SIPA1L3: variants seen among roughly 807,000 people sequenced by gnomAD.
The protein encoded by SIPA1L3 is signal induced proliferation associated 1 like 3.
A neutral mutation model predicts 150.1 loss-of-function variants in SIPA1L3; 59 were observed. The observed-to-expected ratio is 0.39, with a 90% CI of 0.32 to 0.49. The LOEUF (loss-of-function observed/expected upper bound fraction) is 0.49, where lower values mean the gene tolerates loss of function less well. Among genes scored for constraint, SIPA1L3 ranks in the 20% least tolerant of loss-of-function variants. The pLI is 0.86. For synonymous variants in SIPA1L3, 1,070 were observed against 1,077.6 expected (o/e 0.99, Z 0.14); for missense variants, 2,211 against 2,489.5 (o/e 0.89, Z 2.38).
At chr19:37,994,716 A>G (rs539281224) in intron 1 of SIPA1L3, among the ~76,000 whole-genome samples, 1 of 152,308 alleles carries the variant, frequency 6.6e-6, no homozygotes, top group African/African-American at 2.4e-5. Context: ...TCTTTAACCA[A>G]TGTGAGTGAG....
intron 2 of SIPA1L3, among the ~76,000 whole-genome samples, chr19:38,034,008 A>G (rs974796187): frequency 6.6e-6 from 1 of 152,150 alleles, no homozygotes; most frequent in African/African-American, 2.4e-5. Context: ...GCACACCTGG[A>G]GGTGCTTGGC....
intron 7 of SIPA1L3, among the ~76,000 whole-genome samples, chr19:38,107,730 A>C (rs1970653780): frequency 6.6e-6 from 1 of 152,206 alleles, no homozygotes; most frequent in Non-Finnish European, 1.5e-5. Context: ...TGATCCCAGC[A>C]CTTTGGGAGG....
intron 1 of SIPA1L3, among the ~76,000 whole-genome samples, chr19:37,984,993 G>A (rs2087295147): frequency 6.6e-6 from 1 of 152,228 alleles, no homozygotes; most frequent in South Asian, 2.1e-4. Flanking sequence ...GACAGACCTA[G>A]TCCTTGCTGT....
At chr19:37,920,114 C>T (rs1373448241) in intron 1 of SIPA1L3, among the ~76,000 whole-genome samples, 1 of 149,058 alleles carries the variant, frequency 6.7e-6, no homozygotes, top group African/African-American at 2.5e-5. Flanking sequence ...GGCTGGAGTA[C>T]AGTGGCATGA....
At chr19:38,001,799 A>C (rs1256485501) in intron 1 of SIPA1L3, among the ~76,000 whole-genome samples, 1 of 152,230 alleles carries the variant, frequency 6.6e-6, no homozygotes, top group Non-Finnish European at 1.5e-5. Flanking sequence ...TTAACCATTT[A>C]AAACTTTTAT....
chr19:38,107,993 CA>C (rs374605991), intron 7 of SIPA1L3, among the ~76,000 whole-genome samples: 83 of 130,384 alleles, frequency 6.4e-4, no homozygotes, highest in African/African-American at 7.1e-4. Flanking sequence ...GAAAAAAAAG[CA>C]AAAAAAAAAA....
rs1273727863 is a variant in SIPA1L3 at position 38,047,405 on chromosome 19, T to C, written c.-311+18249T>C. ...CTCCTGTTTGACCATAGGAATTCTG[T>C]GTCTTGTGCATTGCCATATCCCCAG... On this transcript the variant is annotated intron_variant, in intron 2 of 21. Transcript: ENST00000222345. The surrounding 1 kb of genome is among the most constrained non-coding windows in gnomAD (Gnocchi z 4.7). Among the ~76,000 whole-genome samples the C allele has an allele frequency of 6.6e-6, 1 of 152,200 alleles. No individual in the cohort carries two copies. The highest frequency in any genetic ancestry group is 2.4e-5 in the African/African-American group (1 of 41,438).
chr19:38,128,164 C>G (rs972882219), intron 9 of SIPA1L3, among the ~76,000 whole-genome samples: 4 of 149,244 alleles, frequency 2.7e-5, no homozygotes, highest in African/African-American at 9.9e-5. Context: ...AAGCGATTCT[C>G]CTGTGTCAGC....
At chr19:37,988,297 T>G (rs531735772) in intron 1 of SIPA1L3, among the ~76,000 whole-genome samples, 1 of 152,308 alleles carries the variant, frequency 6.6e-6, no homozygotes, top group Non-Finnish European at 1.5e-5. Context: ...GGTGGGAGGA[T>G]TGCTGGAACC....
At chr19:37,913,309 C>T (rs954550185) in intron 1 of SIPA1L3, among the ~76,000 whole-genome samples, 1 of 152,118 alleles carries the variant, frequency 6.6e-6, no homozygotes, top group African/African-American at 2.4e-5. Context: ...ATCCTAGGCA[C>T]TGAGGATTCA....
intron 8 of SIPA1L3, among the ~76,000 whole-genome samples, chr19:38,114,672 G>A (rs142966495): frequency 1.3e-5 from 2 of 152,314 alleles, no homozygotes; most frequent in East Asian, 1.9e-4. Flanking sequence ...CCATACCTTG[G>A]TAGAAACCTG....
intron 1 of SIPA1L3, among the ~76,000 whole-genome samples, chr19:37,996,651 T>G (rs1967643791): frequency 6.6e-6 from 1 of 152,142 alleles, no homozygotes. Flanking sequence ...TTTGTGTCCT[T>G]TGACCAACAT....
In SIPA1L3 at chr19:38,204,184, A is replaced by G. The variant is rs1973153426; in HGVS notation, c.5178A>G (p.Lys1726=). The change falls in exon 21 of 22, where the codon AAA becomes AAG. Residue 1726 remains lysine (K), a synonymous_variant. Coordinates refer to ENST00000222345, the MANE Select transcript of SIPA1L3 (RefSeq NM_015073.3). Reference sequence around the variant, plus strand: ...TGTACCAGCTGGAGGTGATGCTGAAACAGCTGCACACTGACCTGCAGAAGG... The same window carrying G: ...TGTACCAGCTGGAGGTGATGCTGAAGCAGCTGCACACTGACCTGCAGAAGG... ...GKVYQLEVML[K]QLHTDLQKEK... 6 of 1,557,570 alleles carry G rather than the reference A, an allele frequency of 3.9e-6. No homozygotes were observed. The highest frequency in any genetic ancestry group is 2.7e-5 in the African/African-American group (2 of 73,176).
At chr19:37,922,670 G>A (rs1291605536) in intron 1 of SIPA1L3, among the ~76,000 whole-genome samples, 3 of 151,678 alleles carry the variant, frequency 2.0e-5, no homozygotes, top group Non-Finnish European at 4.4e-5. Context: ...TGGGATTACA[G>A]GCGTGAGCCA....
intron 1 of SIPA1L3, among the ~76,000 whole-genome samples, chr19:37,970,944 C>T (rs933505707): frequency 6.6e-6 from 1 of 152,174 alleles, no homozygotes; most frequent in East Asian, 1.9e-4. Context: ...TTGCTTTCAT[C>T]TGCATGGTCC....
chr19:37,936,305 A>T (rs1199551720), intron 1 of SIPA1L3, among the ~76,000 whole-genome samples: 1 of 152,142 alleles, frequency 6.6e-6, no homozygotes, highest in Non-Finnish European at 1.5e-5. Context: ...TTGGGCATTC[A>T]CCTGCCAGCA....
intron 10 of SIPA1L3, among the ~76,000 whole-genome samples, chr19:38,131,924 G>A (rs1006454838): frequency 5.9e-5 from 9 of 151,750 alleles, no homozygotes; most frequent in African/African-American, 9.7e-5. Context: ...GAGCCACTGC[G>A]TCCAGCCAAC....
At chr19:37,955,683 C>A (rs928400771) in intron 1 of SIPA1L3, among the ~76,000 whole-genome samples, 4 of 152,190 alleles carry the variant, frequency 2.6e-5, no homozygotes, top group African/African-American at 9.7e-5. Context: ...TGCGCTTCCT[C>A]CAGGTGATAG....
intron 2 of SIPA1L3, among the ~76,000 whole-genome samples, chr19:38,059,527 C>T (rs960934393): frequency 7.2e-5 from 11 of 152,020 alleles, no homozygotes; most frequent in African/African-American, 2.7e-4. Context: ...TTTTAAAATA[C>T]ATTTGTATAC....
Sources: allele counts gnomAD v4.1 joint callset (sites outside exome capture counted in the v4.1 genomes callset), GRCh38; gene constraint gnomAD v4.1.1; non-coding constraint Gnocchi (gnomAD v3.1); transcripts MANE v1.5; gene names NCBI Gene and HGNC (gene_info 2026-07-23, HGNC 2026-07-21).